PRKN: variants seen among roughly 807,000 people sequenced by gnomAD.
PRKN encodes E3 ubiquitin-protein ligase parkin.
A neutral mutation model predicts 59.5 loss-of-function variants in PRKN; 56 were observed. The ratio of observed to expected loss-of-function variants is 0.94; its 90% CI spans 0.76 to 1.18. The LOEUF (loss-of-function observed/expected upper bound fraction) is 1.18, where lower values mean the gene tolerates loss of function less well. Among genes scored for constraint, PRKN ranks in the 50% most tolerant of loss-of-function variants. PRKN has a pLI of 0.00. For missense variants in PRKN, 657 were observed against 596.4 expected (o/e 1.10, Z -1.06); for synonymous variants, 250 against 222.1 (o/e 1.13, Z -1.12).
At chr6:162,498,015 C>T (rs963205459) in intron 1 of PRKN, among the ~76,000 whole-genome samples, 1 of 151,940 alleles carries the variant, frequency 6.6e-6, no homozygotes, top group Non-Finnish European at 1.5e-5. Context: ...ATCACATGTA[C>T]CCATAAATAA....
At chr6:161,975,557 G>A (rs1780995177) in intron 5 of PRKN, among the ~76,000 whole-genome samples, 1 of 152,146 alleles carries the variant, frequency 6.6e-6, no homozygotes, top group East Asian at 1.9e-4. Flanking sequence ...TCTGACATGT[G>A]ACACCATGAG....
intron 2 of PRKN, among the ~76,000 whole-genome samples, chr6:162,289,243 G>A (rs768152661): frequency 7.9e-5 from 12 of 151,992 alleles, no homozygotes; most frequent in African/African-American, 2.7e-4. Flanking sequence ...CCTGCACATC[G>A]TCCTGCCTCT....
At chr6:161,585,653 A>G (rs1275812286) in intron 7 of PRKN, among the ~76,000 whole-genome samples, 1 of 152,244 alleles carries the variant, frequency 6.6e-6, no homozygotes, top group African/African-American at 2.4e-5. Context: ...AGACATCAAC[A>G]TTTTAAGACA....
At chr6:161,798,849 G>GAC (rs1790960596) in intron 6 of PRKN, among the ~76,000 whole-genome samples, 1 of 152,148 alleles carries the variant, frequency 6.6e-6, no homozygotes, top group Non-Finnish European at 1.5e-5. Flanking sequence ...AGCCTGTGCA[G>GAC]ACAGGCTCCC....
At chr6:162,669,426 T>G (rs1251775669) in intron 1 of PRKN, among the ~76,000 whole-genome samples, 1 of 152,160 alleles carries the variant, frequency 6.6e-6, no homozygotes, top group Non-Finnish European at 1.5e-5. Context: ...GATGGTAAGC[T>G]AAACTTTAGA....
chr6:162,505,356 C>T (rs1793564225), intron 1 of PRKN, among the ~76,000 whole-genome samples: 2 of 152,082 alleles, frequency 1.3e-5, no homozygotes, highest in African/African-American at 4.8e-5. Context: ...TGGCATGCCC[C>T]TATTAAAATA....
intron 10 of PRKN, among the ~76,000 whole-genome samples, chr6:161,366,936 C>T (rs1394834104): frequency 7.1e-6 from 1 of 140,412 alleles, no homozygotes; most frequent in Non-Finnish European, 1.6e-5. Flanking sequence ...CAATTAAACT[C>T]TGCTAGATTT....
At chr6:161,630,001 G>A (rs761885080) in intron 7 of PRKN, among the ~76,000 whole-genome samples, 2 of 152,128 alleles carry the variant, frequency 1.3e-5, no homozygotes, top group East Asian at 3.9e-4. Flanking sequence ...ACAAGCTTTG[G>A]TGCACCCTGA....
chr6:162,711,481 G>A (rs759280962), intron 1 of PRKN, among the ~76,000 whole-genome samples: 8 of 150,194 alleles, frequency 5.3e-5, no homozygotes, highest in East Asian at 3.9e-4. Context: ...CTATTCCGCT[G>A]TGCCGATGCC....
chr6:161,972,348 C>T (rs889465934), intron 6 of PRKN, among the ~76,000 whole-genome samples: 3 of 151,768 alleles, frequency 2.0e-5, no homozygotes, highest in African/African-American at 7.3e-5. Context: ...AGCTTCTTAG[C>T]CAACTTCAAA....
chr6:162,178,455 GCCAGCCCCTTTC>G (rs1189537154), intron 4 of PRKN, among the ~76,000 whole-genome samples: 9 of 152,154 alleles, frequency 5.9e-5, no homozygotes, highest in African/African-American at 2.2e-4. Flanking sequence ...AGAGGATGGG[GCCAGCCCCTTTC>G]CCTGGCCTAT....
intron 1 of PRKN, among the ~76,000 whole-genome samples, chr6:162,666,188 G>A (rs1390769650): frequency 6.6e-6 from 1 of 152,130 alleles, no homozygotes; most frequent in Non-Finnish European, 1.5e-5. Context: ...TAAGAAAAGA[G>A]GAGGGAGTAG....
chr6:162,038,803 T>C (rs899320770), intron 5 of PRKN, among the ~76,000 whole-genome samples: 12 of 152,136 alleles, frequency 7.9e-5, no homozygotes, highest in African/African-American at 2.9e-4. Flanking sequence ...TTCATTTCAA[T>C]GCCTTGGGCA....
chr6:161,906,267 T>C (rs1778141131), intron 6 of PRKN, among the ~76,000 whole-genome samples: 1 of 152,246 alleles, frequency 6.6e-6, no homozygotes, highest in Non-Finnish European at 1.5e-5. Context: ...GATAACAATT[T>C]CTGGATGCTC....
At position 161,533,576 on chromosome 6, in the gene PRKN, G is replaced by A. The variant is rs1779300549; in HGVS notation, c.1083+15278C>T. Among the ~76,000 whole-genome samples, 1 of 152,120 alleles carries A rather than the reference G, an allele frequency of 6.6e-6. No homozygotes were observed. Among genetic ancestry groups the A allele is most frequent in the Admixed American group, 6.5e-5 (1 of 15,274 alleles). Reference sequence around the variant, plus strand: ...CCCATTTGCATAATAAGATTAGGGTGGGGCGACCAGCCTTCTTCGCGTGCT... The same window carrying A: ...CCCATTTGCATAATAAGATTAGGGTAGGGCGACCAGCCTTCTTCGCGTGCT... On this transcript the variant is annotated intron_variant, in intron 9 of 11. Coordinates refer to ENST00000366898, the MANE Select transcript of PRKN (RefSeq NM_004562.3). This position sits in a 1 kb window ranked among gnomAD's most constrained non-coding sequence, Gnocchi z 4.1.
At chr6:162,509,670 C>T (rs1397189315) in intron 1 of PRKN, among the ~76,000 whole-genome samples, 1 of 152,196 alleles carries the variant, frequency 6.6e-6, no homozygotes, top group East Asian at 1.9e-4. Flanking sequence ...AAATGTCTTA[C>T]ATTACAAAGG....
At chr6:162,037,425 G>A (rs9456732) in intron 5 of PRKN, among the ~76,000 whole-genome samples, 9,951 of 152,056 alleles carry the variant, frequency 0.065, 826 homozygotes, top group African/African-American at 0.19. Flanking sequence ...GTATGTGTCC[G>A]TGTGTTTTCA....
chr6:161,660,539 G>C (rs1317048396), intron 7 of PRKN, among the ~76,000 whole-genome samples: 1 of 152,190 alleles, frequency 6.6e-6, no homozygotes, highest in African/African-American at 2.4e-5. Context: ...GCTGGCAAGA[G>C]AGATGATGAG....
intron 4 of PRKN, among the ~76,000 whole-genome samples, chr6:162,136,318 T>A (rs1781563021): frequency 1.3e-5 from 2 of 152,216 alleles, no homozygotes; most frequent in East Asian, 3.9e-4. Flanking sequence ...TTTGATGCAT[T>A]TCAGCTGTTT....
Sources: allele counts gnomAD v4.1 joint callset (sites outside exome capture counted in the v4.1 genomes callset), GRCh38; gene constraint gnomAD v4.1.1; non-coding constraint Gnocchi (gnomAD v3.1); transcripts MANE v1.5; gene names NCBI Gene and HGNC (gene_info 2026-07-23, HGNC 2026-07-21).